LYN: variants seen among roughly 807,000 people sequenced by gnomAD.
LYN encodes LYN proto-oncogene, Src family tyrosine kinase, also known as tyrosine-protein kinase Lyn.
Under a neutral mutation model 65.0 loss-of-function variants are expected in LYN, and 12 were observed. That is an observed-to-expected ratio of 0.18 (90% CI 0.12 to 0.30). LYN has a LOEUF of 0.30. Among genes scored for constraint, LYN ranks in the 10% least tolerant of loss-of-function variants. The probability of loss-of-function intolerance (pLI) is 1.00; values close to 1 mark genes in which losing one functional copy is unlikely to be tolerated. For synonymous variants in LYN, 222 were observed against 221.2 expected, an observed-to-expected ratio of 1.00 and a Z score of -0.03; for missense variants, 380 against 623.2, an observed-to-expected ratio of 0.61 and a Z score of 4.16.
intron 9 of LYN, among the ~76,000 whole-genome samples, chr8:55,967,627 G>A (rs1048412642): frequency 1.3e-5 from 2 of 152,010 alleles, no homozygotes; most frequent in Admixed American, 6.6e-5. Context: ...GTTCTTTAGC[G>A]TTATCTAATA....
chr8:55,886,827 A>G (rs1804811059), intron 1 of LYN, among the ~76,000 whole-genome samples: 1 of 152,208 alleles, frequency 6.6e-6, no homozygotes, highest in African/African-American at 2.4e-5. Context: ...TTAAATCAGT[A>G]TTTGCGATAG....
At chr8:55,962,985 T>C (rs1442805889) in intron 8 of LYN, among the ~76,000 whole-genome samples, 3 of 152,174 alleles carry the variant, frequency 2.0e-5, no homozygotes, top group Admixed American at 1.3e-4. Flanking sequence ...GAGCGAGAAC[T>C]CACTCTTTAC....
intron 1 of LYN, among the ~76,000 whole-genome samples, chr8:55,895,992 A>C (rs188977456): frequency 6.6e-6 from 1 of 152,228 alleles, no homozygotes; most frequent in African/African-American, 2.4e-5. Flanking sequence ...TTTGGTGTAC[A>C]TACCAGGTGC....
intron 12 of LYN, among the ~76,000 whole-genome samples, chr8:56,006,396 T>A (rs1446022390): frequency 6.6e-6 from 1 of 152,186 alleles, no homozygotes; most frequent in Non-Finnish European, 1.5e-5. Context: ...CTCTTCCTGA[T>A]ACACATACAC....
chr8:56,011,166 C>A lies in LYN; in HGVS notation c.*1056C>A, dbSNP rs1024935230. ...TAAATTGTGTAGCATGTGTATGAGA[C>A]TATTTATACCCAAGGATATGAAGGA... On this transcript the variant is annotated 3_prime_UTR_variant, in exon 13 of 13. Coordinates refer to ENST00000519728, the MANE Select transcript of LYN (RefSeq NM_002350.4). The A allele has an allele frequency of 4.4e-6, 1 of 227,778 alleles. No individual in the cohort carries two copies. Among genetic ancestry groups the A allele is most frequent in the South Asian group, 1.8e-4 (1 of 5,480 alleles). The allele number at this position is 227,778 out of a possible 1,614,324, so 14.1% of individuals were successfully genotyped here.
chr8:55,882,591 C>T (rs572607714), intron 1 of LYN, among the ~76,000 whole-genome samples: 12 of 152,164 alleles, frequency 7.9e-5, no homozygotes, highest in Non-Finnish European at 1.5e-4. Flanking sequence ...ATTGAAAGGC[C>T]ACCACAATCA....
chr8:55,892,762 TA>T (rs1563496766), intron 1 of LYN, among the ~76,000 whole-genome samples: 1 of 152,214 alleles, frequency 6.6e-6, no homozygotes, highest in Admixed American at 6.5e-5. Context: ...GGGAATTTTT[TA>T]AAAAGTTTTC....
chr8:55,880,806 C>T (rs1054982053), intron 1 of LYN, among the ~76,000 whole-genome samples: 1 of 152,216 alleles, frequency 6.6e-6, no homozygotes, highest in Admixed American at 6.5e-5. Flanking sequence ...TTTCCTTCGC[C>T]TTGGGGGAAG....
chr8:55,976,197 C>T (rs1051114525), intron 10 of LYN, among the ~76,000 whole-genome samples: 3 of 151,660 alleles, frequency 2.0e-5, no homozygotes, highest in Non-Finnish European at 4.4e-5. Context: ...CTTGGTGGTG[C>T]GTGCCTGTAA....
intron 1 of LYN, among the ~76,000 whole-genome samples, chr8:55,900,573 A>G (rs1422553984): frequency 7.2e-6 from 1 of 138,804 alleles, no homozygotes; most frequent in Admixed American, 7.5e-5. Flanking sequence ...TGGAGATAGG[A>G]CCTTACTATG....
chr8:55,969,646 T>A, intron 9 of LYN, 71 bp from the exon 10 acceptor site: 1 of 1,085,190 alleles, frequency 9.2e-7, no homozygotes, highest in Non-Finnish European at 1.4e-6. Flanking sequence ...ATAGTAATGA[T>A]GATGTGAATT....
intron 12 of LYN, among the ~76,000 whole-genome samples, chr8:56,003,928 CTTTTTTTTT>C (rs1213079280): frequency 2.9e-5 from 3 of 104,696 alleles, no homozygotes; most frequent in African/African-American, 1.0e-4. Flanking sequence ...ATATTTTATT[CTTTTTTTTT>C]TTTTTTTTTT....
chr8:55,952,212 C>A (rs1429933805), intron 7 of LYN, 97 bp downstream of exon 7: 1 of 954,454 alleles, frequency 1.0e-6, no homozygotes. Flanking sequence ...TTTTATGCAT[C>A]GTATTTCTCT....
chr8:55,926,120 A>G (rs1377599039), intron 1 of LYN, among the ~76,000 whole-genome samples: 3 of 152,236 alleles, frequency 2.0e-5, no homozygotes, highest in Non-Finnish European at 4.4e-5. Flanking sequence ...AAACCAAATA[A>G]CTACAAAGCT....
chr8:55,909,104 G>C (rs1010199663), intron 1 of LYN, among the ~76,000 whole-genome samples: 1 of 150,230 alleles, frequency 6.7e-6, no homozygotes, highest in Non-Finnish European at 1.5e-5. Flanking sequence ...TCAAACACTA[G>C]TGTCAAGGGC....
chr8:55,992,559 C>T (rs150758299), intron 10 of LYN, among the ~76,000 whole-genome samples: 8 of 152,326 alleles, frequency 5.3e-5, no homozygotes, highest in African/African-American at 1.9e-4. Flanking sequence ...TTTTGTTAAG[C>T]TGAGTTGCAT....
At chr8:55,934,497 G>A (rs1806367583) in intron 1 of LYN, among the ~76,000 whole-genome samples, 1 of 152,202 alleles carries the variant, frequency 6.6e-6, no homozygotes, top group Non-Finnish European at 1.5e-5. Context: ...ATTTGACTGG[G>A]CACTGCTGAT....
At chr8:55,986,188 C>CG (rs1053144873) in intron 10 of LYN, among the ~76,000 whole-genome samples, 3 of 150,474 alleles carry the variant, frequency 2.0e-5, no homozygotes, top group African/African-American at 7.3e-5. Flanking sequence ...ACCAGAATCC[C>CG]CCCCGCAAAA....
intron 3 of LYN, 30 bp downstream of exon 3, chr8:55,946,523 T>C (rs766938216): frequency 7.7e-5 from 114 of 1,488,150 alleles, no homozygotes; most frequent in Non-Finnish European, 9.7e-5. Flanking sequence ...TAGTTAAAAT[T>C]TTTTTTCTTT....
Sources: gnomAD v4.1 joint callset for allele counts (sites outside exome capture counted in the v4.1 genomes callset) on GRCh38, gnomAD v4.1.1 for gene constraint, MANE v1.5 for transcripts, NCBI Gene and HGNC (gene_info 2026-07-23, HGNC 2026-07-21) for gene names.